Variants in RGPD2 observed in about 807,000 individuals in gnomAD.
RGPD2 encodes RANBP2 like and GRIP domain containing 2.
A neutral mutation model predicts 36.0 loss-of-function variants in RGPD2; 2 were observed. That is an observed-to-expected ratio of 0.06 (90% confidence interval 0.02 to 0.17). The LOEUF is 0.17. RGPD2 is among the 10% of genes least tolerant of loss of function. The pLI, the probability that RGPD2 is intolerant of heterozygous loss-of-function variation, is 1.00. For synonymous variants in RGPD2, 19 were observed against 163.8 expected, an observed-to-expected ratio of 0.12 and a Z score of 6.75; for missense variants, 40 against 464.3, an observed-to-expected ratio of 0.09 and a Z score of 8.40.
At chr2:87,972,353 T>A in the RGPD2 span, among the ~76,000 whole-genome samples, 2 of 123,082 alleles carry the variant, frequency 1.6e-5, no homozygotes, top group Non-Finnish European at 3.4e-5. Context: ...CTCATGATCT[T>A]GTTCAGTAGG....
chr2:87,956,377 C>T, the RGPD2 span, among the ~76,000 whole-genome samples: 27 of 151,866 alleles, frequency 1.8e-4, no homozygotes, highest in South Asian at 5.4e-3. Flanking sequence ...GAAAATTATA[C>T]ATATATTTTA....
the RGPD2 span, among the ~76,000 whole-genome samples, chr2:87,958,693 G>C: frequency 2.0e-5 from 3 of 152,366 alleles, no homozygotes; most frequent in East Asian, 5.8e-4. Flanking sequence ...ACATGTTTAA[G>C]TTTGTTACAT....
At chr2:87,937,199 C>A in the RGPD2 span, among the ~76,000 whole-genome samples, 1 of 151,580 alleles carries the variant, frequency 6.6e-6, no homozygotes, top group African/African-American at 2.4e-5. Context: ...CAGAAAAAGC[C>A]GGTAGAGTCA....
chr2:87,760,657 G>T (rs1573992264), intron 22 of RGPD2, among the ~76,000 whole-genome samples: 5 of 7,906 alleles, frequency 6.3e-4, no homozygotes, highest in South Asian at 4.5e-3. Context: ...TTGCTCTGTT[G>T]CCCAGGCTGG....
At chr2:87,854,997 C>CAT in the RGPD2 span, among the ~76,000 whole-genome samples, 4 of 150,826 alleles carry the variant, frequency 2.7e-5, no homozygotes, top group East Asian at 7.8e-4. Flanking sequence ...GTATGCTGTC[C>CAT]GTGTGTGTGT....
At chr2:87,882,369 T>C in the RGPD2 span, among the ~76,000 whole-genome samples, 2 of 152,274 alleles carry the variant, frequency 1.3e-5, no homozygotes, top group Non-Finnish European at 2.9e-5. Flanking sequence ...CTTTCTCCAA[T>C]GTGGATTCTT....
chr2:87,915,366 T>TTGTATATATA, the RGPD2 span, among the ~76,000 whole-genome samples: 1 of 130,958 alleles, frequency 7.6e-6, no homozygotes, highest in African/African-American at 2.8e-5. Flanking sequence ...ATTATATATA[T>TTGTATATATA]ATGTATATTA....
chr2:87,781,445 T>C (rs928571559), intron 20 of RGPD2, among the ~76,000 whole-genome samples: 1 of 131,552 alleles, frequency 7.6e-6, no homozygotes, highest in Non-Finnish European at 1.6e-5. Flanking sequence ...CTCAATATCA[T>C]GGTTTTTTTT....
upstream of RGPD2, chr2:87,825,980 T>C: frequency 2.1e-6 from 1 of 478,506 alleles, no homozygotes; most frequent in Non-Finnish European, 3.7e-6. Flanking sequence ...CTCACGCCTG[T>C]AATCCCAACA....
the RGPD2 span, chr2:87,985,648 G>A: frequency 7.7e-7 from 1 of 1,294,334 alleles, no homozygotes; most frequent in South Asian, 1.2e-5. Flanking sequence ...CTATTATGTA[G>A]TCTCAATGTT....
At chr2:87,882,954 C>A in the RGPD2 span, among the ~76,000 whole-genome samples, 2 of 151,612 alleles carry the variant, frequency 1.3e-5, no homozygotes, top group African/African-American at 4.8e-5. Context: ...CTTAACTGAA[C>A]TTTTAAATAT....
chr2:87,862,509 GT>G, the RGPD2 span, among the ~76,000 whole-genome samples: 8 of 151,680 alleles, frequency 5.3e-5, no homozygotes, highest in African/African-American at 1.9e-4. Flanking sequence ...CTTCCAGCAT[GT>G]GAGGACACAG....
chr2:87,958,657 G>A, the RGPD2 span, among the ~76,000 whole-genome samples: 12 of 152,328 alleles, frequency 7.9e-5, no homozygotes, highest in Non-Finnish European at 1.6e-4. Flanking sequence ...ATTTTTTGGT[G>A]CTTTTTAGCT....
chr2:87,907,411 TAATAAAAAAAAAAAAAAAAAA>T, the RGPD2 span, among the ~76,000 whole-genome samples: 1 of 556 alleles, frequency 1.8e-3, no homozygotes, highest in Non-Finnish European at 2.6e-3. Context: ...ACTTAGAGTA[TAATAAAAAAAAAAAAAAAAAA>T]AAAAAAAAAA....
the RGPD2 span, among the ~76,000 whole-genome samples, chr2:87,875,747 G>T: frequency 2.4e-3 from 370 of 152,390 alleles, no homozygotes; most frequent in Non-Finnish European, 4.5e-3. Context: ...ATGAGTTAGA[G>T]GGGAGTCCCT....
the RGPD2 span, among the ~76,000 whole-genome samples, chr2:87,847,099 G>T: frequency 6.6e-6 from 1 of 152,210 alleles, no homozygotes; most frequent in African/African-American, 2.4e-5. Flanking sequence ...AATTGGTAAT[G>T]AAATTTATCA....
chr2:87,861,850 A>T, the RGPD2 span, among the ~76,000 whole-genome samples: 4 of 111,640 alleles, frequency 3.6e-5, no homozygotes, highest in East Asian at 9.8e-4. Flanking sequence ...ATATCTACAC[A>T]TGGAAATACA....
chr2:87,863,712 G>GTATATATA, the RGPD2 span, among the ~76,000 whole-genome samples: 2 of 146,358 alleles, frequency 1.4e-5, no homozygotes, highest in African/African-American at 5.0e-5. Context: ...GTGTGTGTGT[G>GTATATATA]TATATATATA....
the RGPD2 span, among the ~76,000 whole-genome samples, chr2:87,883,394 ATAAAAAAAAAGGCCC>A: frequency 1.8e-3 from 280 of 152,302 alleles, 1 homozygote; most frequent in African/African-American, 6.4e-3. Flanking sequence ...CTAGACAGAA[ATAAAAAAAAAGGCCC>A]TAATAAAACA....
Sources: gnomAD v4.1 joint callset for allele counts (sites outside exome capture counted in the v4.1 genomes callset) on GRCh38, gnomAD v4.1.1 for gene constraint, MANE v1.5 for transcripts, NCBI Gene and HGNC (gene_info 2026-07-23, HGNC 2026-07-21) for gene names.